The following MME variants were observed in gnomAD, a reference collection of about 807,000 sequenced individuals.
The protein encoded by MME is membrane metalloendopeptidase, also known as neprilysin.
Under a neutral mutation model 113.2 loss-of-function variants are expected in MME, and 98 were observed. The ratio of observed to expected loss-of-function variants is 0.87; its 90% CI spans 0.74 to 1.02. The LOEUF is 1.02. MME is among the 50% of genes least tolerant of loss of function. The probability of loss-of-function intolerance (pLI) is 0.00; values close to 1 mark genes in which losing one functional copy is unlikely to be tolerated. For missense variants in MME, 836 were observed against 896.0 expected, an observed-to-expected ratio of 0.93 and a Z score of 0.86; for synonymous variants, 292 against 300.6, an observed-to-expected ratio of 0.97 and a Z score of 0.30.
chr3:155,045,762 TTTTC>T (rs1478290183), intron 1 of MME, among the ~76,000 whole-genome samples: 1 of 152,100 alleles, frequency 6.6e-6, no homozygotes, highest in Admixed American at 6.5e-5. Context: ...ATCTTTAATA[TTTTC>T]TTCAACTGAC....
At chr3:155,097,565 A>G (rs1022419626) in intron 3 of MME, among the ~76,000 whole-genome samples, 1 of 152,222 alleles carries the variant, frequency 6.6e-6, no homozygotes, top group African/African-American at 2.4e-5. Context: ...TTTTGTCCAG[A>G]GGAAGTAAAA....
chr3:155,041,337 T>C (rs1441191563), intron 1 of MME, among the ~76,000 whole-genome samples: 3 of 152,178 alleles, frequency 2.0e-5, no homozygotes, highest in African/African-American at 7.2e-5. Flanking sequence ...TGTGCTAGAA[T>C]TTTACAACAT....
At position 155,181,331 on chromosome 3, in the gene MME, T is replaced by A. The variant is rs1713069378; in HGVS notation, c.*872T>A. On this transcript the variant is annotated 3_prime_UTR_variant, in exon 23 of 23. Transcript: ENST00000360490. ...CTATAAAGCGATATACAGATGAAAA[T>A]TTGAGACTATTTAAACTTATAAATC... 1 of 152,052 alleles carries A rather than the reference T, an allele frequency of 6.6e-6. No individual in the cohort carries two copies. Among genetic ancestry groups the A allele is most frequent in the South Asian group, 2.1e-4 (1 of 4,828 alleles). 9.4% of individuals were successfully genotyped at this position (152,052 alleles called of 1,614,324 possible). A position where few individuals can be genotyped will look rare whatever the true frequency, so the allele number is the denominator to read the frequency against.
chr3:155,124,492 G>C (rs1471502577), intron 8 of MME, among the ~76,000 whole-genome samples: 1 of 152,100 alleles, frequency 6.6e-6, no homozygotes, highest in Non-Finnish European at 1.5e-5. Context: ...GAGGAGAGAC[G>C]CTCTGCGTTT....
At chr3:155,070,145 A>G (rs1576682049) in intron 1 of MME, among the ~76,000 whole-genome samples, 3 of 152,330 alleles carry the variant, frequency 2.0e-5, no homozygotes, top group East Asian at 3.9e-4. Flanking sequence ...AATTATATAC[A>G]ATATTGCACT....
At chr3:155,144,063 C>A (rs1354167596) in intron 13 of MME, among the ~76,000 whole-genome samples, 1 of 152,144 alleles carries the variant, frequency 6.6e-6, no homozygotes, top group Non-Finnish European at 1.5e-5. Context: ...GTAATGACAG[C>A]CCTAATATTT....
In MME at chr3:155,125,325, C is replaced by A. The variant is rs1200952807; in HGVS notation, c.720+6514C>A. ...GGCCTGCGCCCACTGTCTGGGACTCCCTAGTGAGATGAACCCGGTACCTCA... is the reference window on the plus strand; with the variant it reads ...GGCCTGCGCCCACTGTCTGGGACTCACTAGTGAGATGAACCCGGTACCTCA... On this transcript the variant is annotated intron_variant, in intron 8 of 22. Transcript: ENST00000360490. Among the ~76,000 whole-genome samples the A allele has an allele frequency of 1.2e-4, 9 of 76,626 alleles. 1 individual carries two copies. The highest frequency in any genetic ancestry group is 7.2e-4 in the Admixed American group (4 of 5,524). The allele number at this position is 76,626 out of a possible 152,430, so 50.3% of individuals were successfully genotyped here. A position where few individuals can be genotyped will look rare whatever the true frequency, so the allele number is the denominator to read the frequency against.
rs1046741198 is a variant in MME at position 155,072,017 on chromosome 3, C to T, written c.-10-12141C>T. On this transcript the variant is annotated intron_variant, in intron 1 of 22. Transcript: ENST00000492661. ...TCTACTAAAAATACAAGAAATTAGC[C>T]GGGCGCGGTGGCGGGCGCCTGTAGT... 1.2e-4 allele frequency among the ~76,000 whole-genome samples: 18 copies of T among 151,966 alleles called. No homozygotes were observed. In the East Asian group the frequency reaches 1.9e-3, roughly 16 times the overall value.
chr3:155,108,989 G>C (rs575539918), intron 3 of MME, among the ~76,000 whole-genome samples: 7 of 152,128 alleles, frequency 4.6e-5, no homozygotes, highest in Non-Finnish European at 4.4e-5. Flanking sequence ...TGGGGGTCCC[G>C]TGTAACTGGA....
chr3:155,062,142 C>A (rs555076884), intron 1 of MME, among the ~76,000 whole-genome samples: 1 of 152,140 alleles, frequency 6.6e-6, no homozygotes, highest in Non-Finnish European at 1.5e-5. Flanking sequence ...AAATAGTATA[C>A]TTGCCTCATC....
At chr3:155,148,341 A>G (rs1721679603) in intron 15 of MME, among the ~76,000 whole-genome samples, 1 of 152,166 alleles carries the variant, frequency 6.6e-6, no homozygotes, top group African/African-American at 2.4e-5. Context: ...ATAAAATAAT[A>G]CACTGAATTT....
chr3:155,063,131 A>G (rs529759117), intron 1 of MME, among the ~76,000 whole-genome samples: 15 of 116,838 alleles, frequency 1.3e-4, no homozygotes, highest in Non-Finnish European at 1.5e-4. Context: ...TATTTATGTT[A>G]TATAATTATG....
At chr3:155,137,765 A>G (rs1720746207) in intron 8 of MME, among the ~76,000 whole-genome samples, 1 of 152,150 alleles carries the variant, frequency 6.6e-6, no homozygotes, top group African/African-American at 2.4e-5. Context: ...AAAAATTAGT[A>G]TATGTTATTG....
intron 1 of MME, among the ~76,000 whole-genome samples, chr3:155,064,620 C>T (rs1278021395): frequency 6.6e-6 from 1 of 152,208 alleles, no homozygotes; most frequent in Non-Finnish European, 1.5e-5. Context: ...TACTCTTTCA[C>T]TCCTGCATGC....
At chr3:155,172,635 C>A in intron 22 of MME, 23 bp downstream of exon 22, 1 of 1,556,734 alleles carries the variant, frequency 6.4e-7, no homozygotes, top group East Asian at 2.2e-5. Context: ...GAACAGCAAT[C>A]AAGGTGCTCT....
intron 1 of MME, among the ~76,000 whole-genome samples, chr3:155,065,546 GTTATCT>G (rs1714358392): frequency 6.6e-6 from 1 of 152,172 alleles, no homozygotes; most frequent in Non-Finnish European, 1.5e-5. Context: ...GCAGCTTATA[GTTATCT>G]TTAACTTTTC....
At chr3:155,080,950 C>T (rs904719501) in intron 1 of MME, 15 of 152,148 alleles carry the variant, frequency 9.9e-5, no homozygotes, top group African/African-American at 3.6e-4. Context: ...GGACTTAACC[C>T]TGTGTCTTTG....
chr3:155,147,459 C>T lies in MME; in HGVS notation c.1497+235C>T, dbSNP rs576650490. Among the ~76,000 whole-genome samples, 18 of 152,160 alleles carry T rather than the reference C, an allele frequency of 1.2e-4. No homozygotes were observed. The East Asian group carries it at 3.1e-3, about 26-fold the overall frequency. On this transcript the variant is annotated intron_variant, in intron 15 of 22. Transcript: ENST00000360490. ...TTTCCATATATTCCATTTTAAGAAC[C>T]GTAAGTAAAATCTGGTGTCCTTTAA...
intron 16 of MME, among the ~76,000 whole-genome samples, chr3:155,157,240 C>T (rs528037459): frequency 5.3e-5 from 8 of 152,184 alleles, no homozygotes; most frequent in Admixed American, 3.9e-4. Flanking sequence ...TCCTGCTTCC[C>T]CACTCTTCAC....
Sources: allele counts gnomAD v4.1 joint callset (sites outside exome capture counted in the v4.1 genomes callset), GRCh38; gene constraint gnomAD v4.1.1; transcripts MANE v1.5; gene names NCBI Gene and HGNC (gene_info 2026-07-23, HGNC 2026-07-21).